The following FMN1 variants were observed in gnomAD, a reference collection of about 807,000 sequenced individuals.
The protein encoded by FMN1 is formin 1, also known as formin-1.
Under a neutral mutation model 132.4 loss-of-function variants are expected in FMN1, and 110 were observed. The observed-to-expected ratio is 0.83, with a 90% CI of 0.71 to 0.97. The LOEUF (loss-of-function observed/expected upper bound fraction) is 0.97. Ranked by LOEUF, FMN1 falls within the 50% of genes least tolerant of loss-of-function variation. The pLI is 0.00. For synonymous variants in FMN1, 722 were observed against 651.7 expected (o/e 1.11, Z -1.64); for missense variants, 1,792 against 1,705.3 (o/e 1.05, Z -0.90).
intron 19 of FMN1, among the ~76,000 whole-genome samples, chr15:32,798,216 A>ACACACACAC (rs1286307994): frequency 1.4e-5 from 2 of 140,874 alleles, no homozygotes; most frequent in African/African-American, 5.2e-5. Flanking sequence ...ACACACACAC[A>ACACACACAC]CCCCGTCTAT....
rs1419851021 is a variant in FMN1 at position 32,898,880 on chromosome 15, T to C, written c.3668A>G (p.Asn1223Ser). 6 of 1,593,002 alleles carry C rather than the reference T, an allele frequency of 3.8e-6. No homozygotes were observed. Among genetic ancestry groups the C allele is most frequent in the Non-Finnish European group, 5.2e-6 (6 of 1,162,900 alleles). Reference sequence around the variant, plus strand: ...ATACTTAACAACGTAGTCCACCAGATTAATCCCATTATCCTAGGTTTAAAA... The same window carrying C: ...ATACTTAACAACGTAGTCCACCAGACTAATCCCATTATCCTAGGTTTAAAA... The part of the protein sequence containing the change: ...KDVKSRDNGI[N>S]LVDYVVKYYL... Residue 1223 changes from asparagine (N) to serine (S), a missense_variant, in exon 15 of 21, where the codon AAT (asparagine) becomes AGT (serine). Asn to Ser is a conservative substitution (Grantham distance 46). Transcript: ENST00000616417.
chr15:33,150,584 T>C (rs1349713831), intron 4 of FMN1: 2 of 985,362 alleles, frequency 2.0e-6, no homozygotes, highest in East Asian at 2.3e-4. Flanking sequence ...AATGGTAATG[T>C]CAGCTTTAAC....
At chr15:33,145,177 G>A (rs1452392909) in intron 4 of FMN1, among the ~76,000 whole-genome samples, 1 of 151,866 alleles carries the variant, frequency 6.6e-6, no homozygotes, top group Admixed American at 6.6e-5. Flanking sequence ...TCTTGCTTCG[G>A]CTGCACAAGG....
intron 5 of FMN1, among the ~76,000 whole-genome samples, chr15:33,084,847 A>G (rs996068382): frequency 2.0e-5 from 3 of 152,076 alleles, no homozygotes; most frequent in African/African-American, 7.2e-5. Context: ...ACGGATGCCA[A>G]CTCCCACCAA....
At position 32,794,419 on chromosome 15, in the gene FMN1, T is replaced by G. The variant is rs527701226; in HGVS notation, c.4130+4385A>C. On this transcript the variant is annotated intron_variant, in intron 19 of 20. Transcript: ENST00000616417. ...CCTGGAGTCATGACTCCCGTAGGCCTTCTGTACCTTTTGCAAATTCAAAGC... is the reference window on the plus strand; with the variant it reads ...CCTGGAGTCATGACTCCCGTAGGCCGTCTGTACCTTTTGCAAATTCAAAGC... Among the ~76,000 whole-genome samples, 7 of 152,312 alleles carry G rather than the reference T, an allele frequency of 4.6e-5. No individual in the cohort carries two copies. In the South Asian group the frequency reaches 1.2e-3, roughly 27 times the overall value.
intron 6 of FMN1, among the ~76,000 whole-genome samples, chr15:33,027,934 C>CT (rs1389688121): frequency 6.6e-6 from 1 of 152,166 alleles, no homozygotes; most frequent in Admixed American, 6.5e-5. Flanking sequence ...ATCTCACCAC[C>CT]TGTGATCCCG....
At chr15:32,876,457 C>T (rs1040434551) in intron 16 of FMN1, among the ~76,000 whole-genome samples, 8 of 152,186 alleles carry the variant, frequency 5.3e-5, no homozygotes, top group Non-Finnish European at 1.2e-4. Context: ...CATATAAAAA[C>T]TAGCATTCAG....
intron 6 of FMN1, chr15:33,012,139 C>CT: frequency 2.1e-6 from 1 of 487,780 alleles, no homozygotes; most frequent in Non-Finnish European, 3.7e-6. Context: ...ATCAGAGTCC[C>CT]TCAAAGGGCC....
chr15:32,786,726 C>T (rs946342569), intron 19 of FMN1, among the ~76,000 whole-genome samples: 1 of 152,160 alleles, frequency 6.6e-6, no homozygotes, highest in African/African-American at 2.4e-5. Flanking sequence ...TCTCATTAGG[C>T]TTACCTGAAA....
chr15:33,189,743 A>G (rs11072312), intron 2 of FMN1, among the ~76,000 whole-genome samples: 24,598 of 152,124 alleles, frequency 0.16, 2,828 homozygotes, highest in East Asian at 0.55. Flanking sequence ...TACCTACTTC[A>G]CAGAGGAACC....
rs149167793 is a variant in FMN1 at position 33,161,786 on chromosome 15, C to A, written c.-131-6741G>T. ...ACAAAATATTAGCCAGGTGTGGTGGCGAGCACCTGTAGTCCCAGCTACTCA... is the reference window on the plus strand; with the variant it reads ...ACAAAATATTAGCCAGGTGTGGTGGAGAGCACCTGTAGTCCCAGCTACTCA... On this transcript the variant is annotated intron_variant, in intron 3 of 20. Transcript: ENST00000616417. 9.2e-3 allele frequency among the ~76,000 whole-genome samples: 1,400 copies of A among 151,968 alleles called. 25 individuals carry two copies. The highest frequency in any genetic ancestry group is 0.03 in the African/African-American group (1,232 of 41,428).
chr15:32,808,256 C>T (rs1477220769), intron 17 of FMN1, among the ~76,000 whole-genome samples: 1 of 152,206 alleles, frequency 6.6e-6, no homozygotes, highest in African/African-American at 2.4e-5. Flanking sequence ...GAATGCAAAT[C>T]AGAACTCATG....
At chr15:32,848,688 A>C (rs1402399545) in intron 17 of FMN1, among the ~76,000 whole-genome samples, 1 of 152,178 alleles carries the variant, frequency 6.6e-6, no homozygotes, top group East Asian at 1.9e-4. Context: ...TTAGGGAAAA[A>C]TGTGAAGTGC....
intron 4 of FMN1, 72 bp from the exon 5 acceptor site, chr15:33,089,046 G>C: frequency 7.5e-7 from 1 of 1,324,980 alleles, no homozygotes; most frequent in Non-Finnish European, 1.0e-6. Context: ...CATATTTGGG[G>C]AACTCCTACA....
chr15:33,110,330 G>A (rs536504479), intron 4 of FMN1, among the ~76,000 whole-genome samples: 14 of 152,096 alleles, frequency 9.2e-5, no homozygotes, highest in African/African-American at 3.4e-4. Context: ...AAAAACACAG[G>A]AAATGCTTAT....
At chr15:32,930,794 C>A (rs149080462) in intron 9 of FMN1, among the ~76,000 whole-genome samples, 1 of 151,804 alleles carries the variant, frequency 6.6e-6, no homozygotes, top group South Asian at 2.1e-4. Context: ...AGGACTTTTC[C>A]CTATTTTTTA....
chr15:32,896,007 G>C (rs897448014), intron 15 of FMN1, among the ~76,000 whole-genome samples: 1 of 151,912 alleles, frequency 6.6e-6, no homozygotes, highest in Admixed American at 6.6e-5. Flanking sequence ...ATGTCTTATT[G>C]ATTTTATTTT....
intron 17 of FMN1, among the ~76,000 whole-genome samples, chr15:32,843,941 C>A (rs1002760736): frequency 6.6e-6 from 1 of 152,064 alleles, no homozygotes; most frequent in African/African-American, 2.4e-5. Flanking sequence ...CAGTTCTGAT[C>A]TACTCAAATA....
rs1006908501 is a variant in FMN1, at chr15:33,007,291, G to A, written c.2223+723C>T. On this transcript the variant is annotated intron_variant, in intron 7 of 20. Transcript: ENST00000616417. The stretch of plus-strand genomic sequence containing the variant: ...CATTAAATGAGGAAAAAATGTTACT[G>A]AAATTTTGCTGTCATTCTCTCCTGA... 1.3e-4 allele frequency among the ~76,000 whole-genome samples: 20 copies of A among 152,150 alleles called. 1 individual carries two copies. Among genetic ancestry groups the A allele is most frequent in the Admixed American group, 1.0e-3 (16 of 15,258 alleles).
Sources: allele counts gnomAD v4.1 joint callset (sites outside exome capture counted in the v4.1 genomes callset), GRCh38; gene constraint gnomAD v4.1.1; transcripts MANE v1.5; gene names NCBI Gene and HGNC (gene_info 2026-07-23, HGNC 2026-07-21).